Variants in TMEM131 observed in about 807,000 individuals in gnomAD.
TMEM131 encodes the protein 2610524E03Rik.
A neutral mutation model predicts 211.6 loss-of-function variants in TMEM131; 66 were observed. The observed-to-expected ratio is 0.31, with a 90% confidence interval of 0.26 to 0.38. The LOEUF (loss-of-function observed/expected upper bound fraction) is 0.38. TMEM131 is among the 10% of genes least tolerant of loss of function. TMEM131 has a pLI of 1.00. For missense variants in TMEM131, 2,036 were observed against 2,299.3 expected (o/e 0.89, Z 2.34); for synonymous variants, 844 against 841.3 (o/e 1.00, Z -0.06).
intron 4 of TMEM131, among the ~76,000 whole-genome samples, chr2:97,863,501 A>G (rs1487589842): frequency 2.0e-5 from 3 of 152,254 alleles, no homozygotes; most frequent in Non-Finnish European, 4.4e-5. Context: ...TACCTATTTG[A>G]CAAGGGATTA....
intron 1 of TMEM131, among the ~76,000 whole-genome samples, chr2:97,977,731 C>G (rs1192902224): frequency 6.6e-6 from 1 of 152,102 alleles, no homozygotes; most frequent in Non-Finnish European, 1.5e-5. Flanking sequence ...AGAGTCTTGC[C>G]TCAAGGTTGA....
At chr2:97,780,797 C>G (rs910213068) in intron 31 of TMEM131, among the ~76,000 whole-genome samples, 1 of 152,132 alleles carries the variant, frequency 6.6e-6, no homozygotes, top group Admixed American at 6.5e-5. Flanking sequence ...GGTGCATAAT[C>G]AGTAATAAAA....
intron 1 of TMEM131, among the ~76,000 whole-genome samples, chr2:97,970,109 G>A (rs1312594482): frequency 6.6e-6 from 1 of 152,146 alleles, no homozygotes; most frequent in Non-Finnish European, 1.5e-5. Context: ...ACATCTTAAG[G>A]TGTATCCACT....
intron 1 of TMEM131, among the ~76,000 whole-genome samples, chr2:97,945,114 A>G (rs1250020492): frequency 1.3e-5 from 2 of 152,230 alleles, no homozygotes; most frequent in Non-Finnish European, 2.9e-5. Flanking sequence ...AATCCATTTA[A>G]TGGAGTATTT....
chr2:97,912,451 C>T (rs1387804394), intron 2 of TMEM131, among the ~76,000 whole-genome samples: 3 of 152,166 alleles, frequency 2.0e-5, no homozygotes, highest in Admixed American at 2.0e-4. Context: ...ATTAAGAGTA[C>T]TCAGAGCCCT....
intron 5 of TMEM131, among the ~76,000 whole-genome samples, chr2:97,846,220 C>A (rs1055522807): frequency 3.3e-5 from 5 of 152,146 alleles, no homozygotes; most frequent in Admixed American, 3.3e-4. Flanking sequence ...TCAGCATTAC[C>A]CTGAATCAGG....
intron 26 of TMEM131, among the ~76,000 whole-genome samples, 160 bp downstream of exon 26, chr2:97,797,205 A>G (rs922676161): frequency 1.3e-5 from 2 of 152,244 alleles, no homozygotes; most frequent in Non-Finnish European, 2.9e-5. Flanking sequence ...TATGCATTTG[A>G]TAACAAAGGT....
rs186767293 is a variant in TMEM131 at position 97,942,707 on chromosome 2, G to A, written c.188-15220C>T. Reference sequence around the variant, plus strand: ...CAGAAAATCTTAACAAACCTAATTAGCCATCAAAGTTTCCCCGCAAAGAAT... The same window carrying A: ...CAGAAAATCTTAACAAACCTAATTAACCATCAAAGTTTCCCCGCAAAGAAT... On this transcript the variant is annotated intron_variant, in intron 1 of 40. Transcript: ENST00000186436. Among the ~76,000 whole-genome samples the A allele has an allele frequency of 3.7e-3, 562 of 152,096 alleles. 2 individuals carry two copies. The highest frequency in any genetic ancestry group is 0.01 in the Middle Eastern group (3 of 294).
intron 25 of TMEM131, 119 bp from the exon 26 acceptor site, chr2:97,797,635 A>C (rs1441601660): frequency 1.2e-6 from 1 of 821,640 alleles, no homozygotes; most frequent in African/African-American, 1.8e-5. Flanking sequence ...TGCATAAACA[A>C]TTTTATCTGT....
intron 2 of TMEM131, among the ~76,000 whole-genome samples, chr2:97,916,157 C>T (rs1041465189): frequency 1.3e-5 from 2 of 152,160 alleles, no homozygotes; most frequent in Non-Finnish European, 1.5e-5. Flanking sequence ...CTCAAATGAT[C>T]CACCCGCCTC....
rs1480951326 is a variant in TMEM131 at position 97,822,245 on chromosome 2, G to A, written c.1075-3524C>T. On this transcript the variant is annotated intron_variant, in intron 11 of 40. Coordinates refer to ENST00000186436, the MANE Select transcript of TMEM131 (RefSeq NM_015348.2). ...CTCACCAATCAAAGACATAATTTTT[G>A]CCCAAAGCCCCTTCGAGGGCAGGGG... Among the ~76,000 whole-genome samples the A allele has an allele frequency of 2.6e-5, 4 of 152,072 alleles. No homozygotes were observed. In the East Asian group the frequency reaches 7.7e-4, roughly 29 times the overall value.
intron 11 of TMEM131, 109 bp downstream of exon 11, chr2:97,833,256 A>T (rs1682789681): frequency 1.7e-6 from 1 of 587,384 alleles, no homozygotes; most frequent in Non-Finnish European, 2.9e-6. Context: ...TCACCAGGTC[A>T]TCACCAAATA....
At chr2:97,939,673 T>C (rs1677626717) in intron 1 of TMEM131, among the ~76,000 whole-genome samples, 1 of 152,202 alleles carries the variant, frequency 6.6e-6, no homozygotes, top group South Asian at 2.1e-4. Flanking sequence ...TAACTCATCT[T>C]ATGAGGCCAG....
intron 10 of TMEM131, 37 bp downstream of exon 10, chr2:97,834,584 A>C (rs1452288528): frequency 2.7e-6 from 4 of 1,480,724 alleles, no homozygotes; most frequent in South Asian, 1.3e-5. Flanking sequence ...AAAAAAAAAA[A>C]AAACTCCATA....
At position 97,812,692 on chromosome 2, in the gene TMEM131, C is replaced by T; in HGVS notation, c.1675G>A (p.Ala559Thr). 1 of 1,601,136 alleles carries T rather than the reference C, an allele frequency of 6.2e-7. No individual in the cohort carries two copies. The highest frequency in any genetic ancestry group is 1.1e-5 in the South Asian group (1 of 87,572). The part of the protein sequence containing the change: ...ERFIDFGVLS[A>T]TEASNILFAI... Reference sequence around the variant, plus strand: ...AATAAAATATTACTTGCTTCTGTAGCACTCAGTACTCCAAAATCTATGAAA... The same window carrying T: ...AATAAAATATTACTTGCTTCTGTAGTACTCAGTACTCCAAAATCTATGAAA... The change falls in exon 16 of 41, where the codon GCT becomes ACT. Residue 559 changes from alanine to threonine, a missense_variant. This residue lies in a region of TMEM131 where 1,623 missense variants were observed against 1,805.9 expected (regional missense o/e 0.90). Transcript: ENST00000186436.
At chr2:97,942,200 T>C (rs186804056) in intron 1 of TMEM131, among the ~76,000 whole-genome samples, 1,699 of 151,924 alleles carry the variant, frequency 0.011, 34 homozygotes, top group African/African-American at 0.038. Context: ...CTGGAAACCA[T>C]CGTTCTGAGC....
chr2:97,776,008 T>C lies in TMEM131; in HGVS notation c.4155A>G (p.Lys1385=), dbSNP rs1403142364. ...GTGGTTTCACCTTGCGCTGAAGAGGTTTTCCTTTCCCTGAGGATAAAAATT... is the reference window on the plus strand; with the variant it reads ...GTGGTTTCACCTTGCGCTGAAGAGGCTTTCCTTTCCCTGAGGATAAAAATT... The part of the protein sequence containing the change: ...SPLPKSKGKG[K]PLQRKVKPPK... The change falls in exon 32 of 41, where the codon AAA becomes AAG. Residue 1385 remains lysine (K), a synonymous_variant. Coordinates refer to ENST00000186436, the MANE Select transcript of TMEM131 (RefSeq NM_015348.2). 43 of 1,608,080 alleles carry C rather than the reference T, an allele frequency of 2.7e-5. No individual in the cohort carries two copies. The East Asian group carries it at 9.4e-4, about 35-fold the overall frequency.
chr2:97,841,063 G>A (rs1268063241), intron 7 of TMEM131, among the ~76,000 whole-genome samples: 2 of 152,156 alleles, frequency 1.3e-5, no homozygotes, highest in Non-Finnish European at 2.9e-5. Flanking sequence ...CTGCTTTTAA[G>A]TCCTGCAGTG....
At chr2:97,916,453 T>C (rs1676512468) in intron 2 of TMEM131, among the ~76,000 whole-genome samples, 1 of 152,220 alleles carries the variant, frequency 6.6e-6, no homozygotes, top group Admixed American at 6.5e-5. Context: ...TTCTGCCAAC[T>C]ACAAGGAGCT....
Sources: allele counts gnomAD v4.1 joint callset (sites outside exome capture counted in the v4.1 genomes callset), GRCh38; gene constraint gnomAD v4.1.1; regional missense constraint gnomAD v4.1.1; transcripts MANE v1.5; gene names NCBI Gene and HGNC (gene_info 2026-07-23, HGNC 2026-07-21).